The following NRXN3 variants were observed in gnomAD, a reference collection of about 807,000 sequenced individuals.
NRXN3 encodes neurexin III.
NRXN3 carries 32 observed loss-of-function variants against 137.6 expected under a neutral mutation model. The observed-to-expected ratio is 0.23, with a 90% confidence interval of 0.18 to 0.31. The LOEUF (loss-of-function observed/expected upper bound fraction) is 0.31. Among genes scored for constraint, NRXN3 ranks in the 10% least tolerant of loss-of-function variants. The pLI is 1.00. For synonymous variants in NRXN3, 798 were observed against 784.5 expected (o/e 1.02, Z -0.29); for missense variants, 1,574 against 2,062.5 (o/e 0.76, Z 4.59).
chr14:78,480,353 C>A (rs1322154816), intron 4 of NRXN3, among the ~76,000 whole-genome samples: 1 of 152,108 alleles, frequency 6.6e-6, no homozygotes, highest in Non-Finnish European at 1.5e-5. Context: ...GTTAGAGGAG[C>A]ATCTTTCAAA....
At chr14:79,632,432 C>G (rs2098363337) in intron 16 of NRXN3, 1 of 152,268 alleles carries the variant, frequency 6.6e-6, no homozygotes, top group South Asian at 2.1e-4. Context: ...GATAACAGAC[C>G]TGGAAGAAGG....
intron 15 of NRXN3, among the ~76,000 whole-genome samples, chr14:79,257,574 G>A (rs1240179408): frequency 5.5e-5 from 7 of 127,834 alleles, no homozygotes; most frequent in Admixed American, 3.1e-4. Flanking sequence ...GGTGGTGGTG[G>A]TGGTGATGGT....
chr14:79,252,652 G>A (rs1381021660), intron 15 of NRXN3, among the ~76,000 whole-genome samples: 1 of 152,138 alleles, frequency 6.6e-6, no homozygotes, highest in East Asian at 1.9e-4. Flanking sequence ...GGATTTCAGA[G>A]GGTGCGAGAA....
chr14:78,302,511 T>C (rs556020311), intron 4 of NRXN3, among the ~76,000 whole-genome samples: 4 of 152,312 alleles, frequency 2.6e-5, no homozygotes, highest in South Asian at 4.1e-4. Flanking sequence ...TACTCTATAC[T>C]GTCTTTCCCG....
intron 4 of NRXN3, among the ~76,000 whole-genome samples, chr14:78,313,107 G>A (rs943138047): frequency 6.6e-6 from 1 of 152,160 alleles, no homozygotes; most frequent in African/African-American, 2.4e-5. Context: ...TTTGTGGAGA[G>A]TAATGACTTT....
In NRXN3 at chr14:79,868,256, A is replaced by C. The variant is rs1002685219; in HGVS notation, c.*6292A>C. On this transcript the variant is annotated 3_prime_UTR_variant, in exon 21 of 21. Coordinates refer to ENST00000335750, the MANE Select transcript of NRXN3 (RefSeq NM_001330195.2). The stretch of plus-strand genomic sequence containing the variant: ...CTATATGCATGACTAACCAGGACCA[A>C]AAAGTTAATAAAAATACGAAAGTTT... 1 of 152,252 alleles carries C rather than the reference A, an allele frequency of 6.6e-6. No homozygotes were observed. The highest frequency in any genetic ancestry group is 2.4e-5 in the African/African-American group (1 of 41,464). The allele number at this position is 152,252 out of a possible 1,614,324, so 9.4% of individuals were successfully genotyped here.
intron 4 of NRXN3, among the ~76,000 whole-genome samples, chr14:78,555,205 G>T (rs991150591): frequency 7.2e-5 from 11 of 152,070 alleles, no homozygotes; most frequent in African/African-American, 2.7e-4. Flanking sequence ...AAAATAAATA[G>T]CACTATGACA....
chr14:78,822,079 T>C (rs904784973), intron 10 of NRXN3, among the ~76,000 whole-genome samples: 2 of 152,206 alleles, frequency 1.3e-5, no homozygotes, highest in Non-Finnish European at 2.9e-5. Context: ...TAAGTGAAGA[T>C]ACAACTTCAT....
At chr14:78,862,870 A>G (rs1377601626) in intron 10 of NRXN3, among the ~76,000 whole-genome samples, 1 of 152,200 alleles carries the variant, frequency 6.6e-6, no homozygotes, top group East Asian at 1.9e-4. Context: ...TAGCTGATGC[A>G]GAGAATGTTA....
chr14:79,323,054 A>G (rs1041234788), intron 15 of NRXN3, among the ~76,000 whole-genome samples: 12 of 152,282 alleles, frequency 7.9e-5, no homozygotes, highest in African/African-American at 2.9e-4. Flanking sequence ...TTTTAAATTG[A>G]CACGGGGTCT....
chr14:79,674,247 T>C (rs2098628691), intron 17 of NRXN3, among the ~76,000 whole-genome samples: 1 of 152,056 alleles, frequency 6.6e-6, no homozygotes, highest in Non-Finnish European at 1.5e-5. Flanking sequence ...CATGGAATTC[T>C]TTCTTTTACT....
intron 14 of NRXN3, among the ~76,000 whole-genome samples, chr14:78,987,019 CA>C (rs36081362): frequency 0.069 from 3,704 of 53,998 alleles, 55 homozygotes; most frequent in African/African-American, 0.16. Context: ...GAGACTGTCT[CA>C]AAAAAAAAAA....
intron 4 of NRXN3, among the ~76,000 whole-genome samples, chr14:78,371,762 A>G (rs2086874699): frequency 6.6e-6 from 1 of 152,258 alleles, no homozygotes; most frequent in Non-Finnish European, 1.5e-5. Flanking sequence ...AGACGGGCCA[A>G]GAGCCAGTGC....
intron 4 of NRXN3, among the ~76,000 whole-genome samples, chr14:78,372,339 A>G (rs546499764): frequency 1.3e-5 from 2 of 150,008 alleles, no homozygotes; most frequent in African/African-American, 2.5e-5. Context: ...GTTTTAGGGT[A>G]CATGCTTGTT....
intron 1 of NRXN3, among the ~76,000 whole-genome samples, chr14:78,213,166 A>G (rs953089855): frequency 2.0e-5 from 3 of 152,210 alleles, no homozygotes; most frequent in Admixed American, 1.3e-4. Flanking sequence ...CTTGGGTAGC[A>G]TGCTACAAGA....
chr14:79,060,636 C>A (rs1425090673), intron 15 of NRXN3, among the ~76,000 whole-genome samples: 1 of 152,098 alleles, frequency 6.6e-6, no homozygotes, highest in African/African-American at 2.4e-5. Flanking sequence ...AAAAAGAAAG[C>A]ACACATTTTT....
chr14:78,790,315 A>G (rs1355150449), intron 8 of NRXN3, among the ~76,000 whole-genome samples: 1 of 152,174 alleles, frequency 6.6e-6, no homozygotes, highest in African/African-American at 2.4e-5. Flanking sequence ...AATTGTTGTC[A>G]TCCCTTTAGA....
intron 4 of NRXN3, among the ~76,000 whole-genome samples, chr14:78,438,054 G>T (rs555653622): frequency 1.2e-4 from 19 of 152,224 alleles, no homozygotes; most frequent in African/African-American, 4.6e-4. Flanking sequence ...TACAGTGACA[G>T]AGTGGACAGG....
chr14:78,962,456 G>T lies in NRXN3; in HGVS notation c.2396-3569G>T, dbSNP rs114984806. On this transcript the variant is annotated intron_variant, in intron 11 of 20. Coordinates refer to ENST00000335750, the MANE Select transcript of NRXN3 (RefSeq NM_001330195.2). The stretch of plus-strand genomic sequence containing the variant: ...GCGGCTGTGAGGTATGAATATATTT[G>T]CCCCTTAAGTAGAAAGGAGGTTCAG... Among the ~76,000 whole-genome samples the T allele has an allele frequency of 5.4e-3, 828 of 152,190 alleles. 11 individuals carry two copies. Among genetic ancestry groups the T allele is most frequent in the African/African-American group, 0.019 (786 of 41,514 alleles).
Sources: allele counts gnomAD v4.1 joint callset (sites outside exome capture counted in the v4.1 genomes callset), GRCh38; gene constraint gnomAD v4.1.1; transcripts MANE v1.5; gene names NCBI Gene and HGNC (gene_info 2026-07-23, HGNC 2026-07-21).